Variants in SMAD3 observed in about 807,000 individuals in gnomAD.
SMAD3 encodes the protein SMAD family member 3, also known as MAD homolog 3.
SMAD3 carries 12 observed loss-of-function variants against 51.8 expected under a neutral mutation model. The ratio of observed to expected loss-of-function variants is 0.23; its 90% CI spans 0.15 to 0.38. The LOEUF is 0.38. Among genes scored for constraint, SMAD3 ranks in the 10% least tolerant of loss-of-function variants. The pLI is 1.00. For synonymous variants in SMAD3, 238 were observed against 227.7 expected (o/e 1.05, Z -0.41); for missense variants, 294 against 565.6 (o/e 0.52, Z 4.87).
intron 1 of SMAD3, among the ~76,000 whole-genome samples, chr15:67,075,350 T>A (rs1408463284): frequency 6.6e-6 from 1 of 152,224 alleles, no homozygotes; most frequent in Non-Finnish European, 1.5e-5. Context: ...GCAGAGTGAA[T>A]TACTGCTTGT....
chr15:67,122,948 G>C (rs1961301473), intron 1 of SMAD3, among the ~76,000 whole-genome samples: 1 of 152,186 alleles, frequency 6.6e-6, no homozygotes, highest in Non-Finnish European at 1.5e-5. Context: ...TACTTTGGGA[G>C]GCTGAGGTGG....
At chr15:67,172,352 T>G (rs770271667) in intron 5 of SMAD3, among the ~76,000 whole-genome samples, 1 of 152,234 alleles carries the variant, frequency 6.6e-6, no homozygotes, top group Non-Finnish European at 1.5e-5. Flanking sequence ...TGGGAAGATG[T>G]GAATCGGGGG....
At chr15:67,102,572 A>G (rs1403176079) in intron 1 of SMAD3, among the ~76,000 whole-genome samples, 1 of 151,994 alleles carries the variant, frequency 6.6e-6, no homozygotes, top group African/African-American at 2.4e-5. Flanking sequence ...TCAGGGCCAT[A>G]CTGGGATGAC....
intron 6 of SMAD3, among the ~76,000 whole-genome samples, chr15:67,181,964 T>C (rs1335435032): frequency 6.6e-6 from 1 of 152,108 alleles, no homozygotes; most frequent in African/African-American, 2.4e-5. Flanking sequence ...TTTTTGTGTT[T>C]TTAGTAGAGA....
chr15:67,075,802 C>T (rs1314033097), intron 1 of SMAD3, among the ~76,000 whole-genome samples: 1 of 151,772 alleles, frequency 6.6e-6, no homozygotes, highest in African/African-American at 2.4e-5. Context: ...GTAATTTCAG[C>T]TACTCAGGAG....
chr15:67,173,213 G>T lies in SMAD3; in HGVS notation c.658+2609G>T, dbSNP rs118053966. 6.0e-3 allele frequency among the ~76,000 whole-genome samples: 919 copies of T among 152,210 alleles called. 5 individuals carry two copies. The highest frequency in any genetic ancestry group is 8.9e-3 in the Non-Finnish European group (607 of 68,000). On this transcript the variant is annotated intron_variant, in intron 5 of 8. Transcript: ENST00000327367. ...TGAGTTCCCACTATGTACTGATGCT[G>T]GGGGCCAGAGCTGGGAGAGCACTAC...
intron 1 of SMAD3, chr15:67,138,135 T>G: frequency 1.3e-6 from 2 of 1,487,072 alleles, no homozygotes; most frequent in Admixed American, 2.0e-5. Flanking sequence ...TCTTTTCTCT[T>G]TCTTGAACTC....
intron 5 of SMAD3, 127 bp from the exon 6 acceptor site, chr15:67,181,114 G>C: frequency 2.7e-6 from 2 of 752,660 alleles, no homozygotes; most frequent in Non-Finnish European, 4.6e-6. Context: ...TAAAAGGCAT[G>C]GGGTAGGGAG....
At chr15:67,177,207 T>C (rs1398326918) in intron 5 of SMAD3, among the ~76,000 whole-genome samples, 1 of 152,110 alleles carries the variant, frequency 6.6e-6, no homozygotes, top group African/African-American at 2.4e-5. Context: ...GCATTGCCCA[T>C]CCACCAACCA....
chr15:67,162,479 G>C (rs1386225241), intron 1 of SMAD3, among the ~76,000 whole-genome samples: 1 of 152,156 alleles, frequency 6.6e-6, no homozygotes, highest in South Asian at 2.1e-4. Context: ...TTGGTCACAC[G>C]TAGCCAGAGT....
At chr15:67,162,902 A>G (rs1962467135) in intron 1 of SMAD3, among the ~76,000 whole-genome samples, 1 of 151,376 alleles carries the variant, frequency 6.6e-6, no homozygotes, top group African/African-American at 2.4e-5. Flanking sequence ...GTTCCTTGTT[A>G]TTTTCGTTCA....
chr15:67,132,454 C>T (rs953490703), intron 1 of SMAD3, among the ~76,000 whole-genome samples: 1 of 152,094 alleles, frequency 6.6e-6, no homozygotes, highest in African/African-American at 2.4e-5. Context: ...GTGCTTCTTG[C>T]GGGAATGGTG....
chr15:67,127,150 G>A (rs537944286), intron 1 of SMAD3, among the ~76,000 whole-genome samples: 3 of 152,282 alleles, frequency 2.0e-5, no homozygotes, highest in South Asian at 2.1e-4. Context: ...CCCAGACACC[G>A]GCATAAACCC....
rs535534730 is a variant in SMAD3 at position 67,110,826 on chromosome 15, C to T, written c.206+44466C>T. On this transcript the variant is annotated intron_variant, in intron 1 of 8. Coordinates refer to ENST00000327367, the MANE Select transcript of SMAD3 (RefSeq NM_005902.4). ...ATCGTAGATACACAGAAAAACTGTA[C>T]ACAGATAATACAGAAAGTTCCAGTG... 2.0e-5 allele frequency among the ~76,000 whole-genome samples: 3 copies of T among 152,318 alleles called. No individual in the cohort carries two copies. In the East Asian group the frequency reaches 5.8e-4, roughly 29 times the overall value.
intron 1 of SMAD3, among the ~76,000 whole-genome samples, chr15:67,148,042 G>T (rs1044429485): frequency 2.0e-5 from 3 of 152,128 alleles, no homozygotes; most frequent in African/African-American, 4.8e-5. Flanking sequence ...TTACTTATTT[G>T]CTCTGCTGCT....
At chr15:67,137,401 A>G (rs369500573) in intron 1 of SMAD3, among the ~76,000 whole-genome samples, 3 of 152,196 alleles carry the variant, frequency 2.0e-5, no homozygotes, top group East Asian at 1.9e-4. Flanking sequence ...CTACCTTCCC[A>G]TGTGCATTTT....
intron 1 of SMAD3, among the ~76,000 whole-genome samples, chr15:67,136,418 C>G (rs924967687): frequency 6.6e-6 from 1 of 151,938 alleles, no homozygotes; most frequent in African/African-American, 2.4e-5. Flanking sequence ...CTGCAACCTC[C>G]GCCTTCCGGA....
intron 1 of SMAD3, among the ~76,000 whole-genome samples, chr15:67,110,696 A>C (rs781152739): frequency 2.0e-5 from 3 of 152,258 alleles, no homozygotes; most frequent in Non-Finnish European, 4.4e-5. Flanking sequence ...GCTATGGTCC[A>C]GTGGGCAGGT....
chr15:67,156,769 C>A (rs1350273986), intron 1 of SMAD3, among the ~76,000 whole-genome samples: 1 of 110,544 alleles, frequency 9.0e-6, no homozygotes, highest in Non-Finnish European at 1.7e-5. Flanking sequence ...CACATGTTTT[C>A]ATTTCTGGGC....
Sources: allele counts gnomAD v4.1 joint callset (sites outside exome capture counted in the v4.1 genomes callset), GRCh38; gene constraint gnomAD v4.1.1; transcripts MANE v1.5; gene names NCBI Gene and HGNC (gene_info 2026-07-23, HGNC 2026-07-21).